The following TMTC2 variants were observed in gnomAD, a reference collection of about 807,000 sequenced individuals.
TMTC2 encodes transmembrane O-mannosyltransferase targeting cadherins 2.
TMTC2 carries 43 observed loss-of-function variants against 82.4 expected under a neutral mutation model. The ratio of observed to expected loss-of-function variants is 0.52; its 90% CI spans 0.41 to 0.67. The LOEUF (loss-of-function observed/expected upper bound fraction) is 0.67, where lower values mean the gene tolerates loss of function less well. TMTC2 is among the 30% of genes least tolerant of loss of function. TMTC2 has a pLI of 0.00. For synonymous variants in TMTC2, 408 were observed against 381.9 expected, an observed-to-expected ratio of 1.07 and a Z score of -0.80; for missense variants, 919 against 1,012.4, an observed-to-expected ratio of 0.91 and a Z score of 1.25.
At chr12:83,081,063 A>G (rs1883448778) in intron 11 of TMTC2, among the ~76,000 whole-genome samples, 1 of 152,320 alleles carries the variant, frequency 6.6e-6, no homozygotes, top group Admixed American at 6.5e-5. Context: ...TCATGACCAA[A>G]AGTCTTAGCC....
chr12:82,995,197 A>T (rs1280397080), intron 8 of TMTC2, among the ~76,000 whole-genome samples: 1 of 152,186 alleles, frequency 6.6e-6, no homozygotes, highest in East Asian at 1.9e-4. Flanking sequence ...CATCTGGTCT[A>T]AGCCTATGTT....
chr12:83,081,377 G>A (rs1883462367), intron 11 of TMTC2, among the ~76,000 whole-genome samples: 2 of 152,258 alleles, frequency 1.3e-5, no homozygotes, highest in Admixed American at 6.5e-5. Context: ...CAGCAAAACT[G>A]AAGCAAGCTA....
At chr12:83,094,895 G>A (rs1423736695) in intron 11 of TMTC2, among the ~76,000 whole-genome samples, 4 of 152,170 alleles carry the variant, frequency 2.6e-5, no homozygotes, top group East Asian at 1.9e-4. Flanking sequence ...AGCGTGTCAT[G>A]CAACTGAAGA....
chr12:83,001,747 C>T (rs1404504009), intron 8 of TMTC2, among the ~76,000 whole-genome samples: 1 of 58,552 alleles, frequency 1.7e-5, no homozygotes, highest in Admixed American at 2.2e-4. Flanking sequence ...GGCAAAATAC[C>T]ATCAGTCTCT....
chr12:82,822,841 G>A (rs1474440616), intron 1 of TMTC2, among the ~76,000 whole-genome samples: 1 of 152,178 alleles, frequency 6.6e-6, no homozygotes, highest in Non-Finnish European at 1.5e-5. Context: ...TGGGCACGCT[G>A]CAGTACGTTG....
chr12:82,690,361 G>A (rs540064380), intron 1 of TMTC2: 2 of 985,412 alleles, frequency 2.0e-6, no homozygotes, highest in South Asian at 4.7e-5. Flanking sequence ...CAGAAGTGAA[G>A]GGAGAAGCAC....
At chr12:82,968,076 T>C (rs1457052656) in intron 7 of TMTC2, among the ~76,000 whole-genome samples, 1 of 152,138 alleles carries the variant, frequency 6.6e-6, no homozygotes, top group Non-Finnish European at 1.5e-5. Context: ...AGAGATAGGC[T>C]GGAGTACTAG....
At chr12:83,027,108 A>G (rs1301725973) in intron 8 of TMTC2, among the ~76,000 whole-genome samples, 2 of 151,978 alleles carry the variant, frequency 1.3e-5, no homozygotes, top group Non-Finnish European at 2.9e-5. Context: ...TTCGTTTCTG[A>G]ACCAGTACAT....
chr12:82,750,885 T>A (rs1875961255), intron 1 of TMTC2, among the ~76,000 whole-genome samples: 1 of 152,156 alleles, frequency 6.6e-6, no homozygotes, highest in Non-Finnish European at 1.5e-5. Flanking sequence ...TTGAACAAAT[T>A]CCAGTTTTTT....
intron 11 of TMTC2, among the ~76,000 whole-genome samples, chr12:83,129,113 A>C (rs10862589): frequency 0.031 from 4,724 of 152,294 alleles, 96 homozygotes; most frequent in Middle Eastern, 0.082. Flanking sequence ...TTTTGAAATA[A>C]AAAATTTTAT....
chr12:82,857,551 A>G lies in TMTC2; in HGVS notation c.625A>G (p.Ile209Val). 6.2e-7 allele frequency: 1 copy of G among 1,611,984 alleles called. No homozygotes were observed. The highest frequency in any genetic ancestry group is 8.5e-7 in the Non-Finnish European group (1 of 1,179,092). ...TGTCTTTGTCTTTCACAGGCTGAAA[A>G]TAAAACAGATATTACCTACCATTTA... is the stretch of plus-strand genomic sequence containing the variant. Reference protein sequence around the residue: ...YDVFVFHRLKIKQILPTIYKR... With the variant: ...YDVFVFHRLKVKQILPTIYKR... The change falls in exon 2 of 12, where the codon ATA (isoleucine) becomes GTA (valine). Residue 209 changes from isoleucine to valine, a missense_variant. Coordinates refer to ENST00000321196, the MANE Select transcript of TMTC2 (RefSeq NM_152588.3).
In TMTC2 at chr12:82,896,567, C is replaced by G. The variant is rs747084691; in HGVS notation, c.1404C>G (p.Leu468=). The part of the protein sequence containing the change: ...ATATLIVFYG[L]KTAIRNGDWQ... Reference sequence around the variant, plus strand: ...CTACACTAATTGTTTTTTATGGACTCAAGACTGCGATCAGGAATGGAGACT... The same window carrying G: ...CTACACTAATTGTTTTTTATGGACTGAAGACTGCGATCAGGAATGGAGACT... The change falls in exon 3 of 12, where the codon CTC becomes CTG. Residue 468 remains leucine (L), a synonymous_variant. Transcript: ENST00000321196. 6.2e-7 allele frequency: 1 copy of G among 1,614,088 alleles called. No homozygotes were observed. The highest frequency in any genetic ancestry group is 1.1e-5 in the South Asian group (1 of 91,076).
At chr12:82,876,028 CGGTGGTGGTGGTGGTGGTGGTGGT>C (rs748180026) in intron 2 of TMTC2, among the ~76,000 whole-genome samples, 1 of 83,488 alleles carries the variant, frequency 1.2e-5, no homozygotes, top group Non-Finnish European at 2.2e-5. Context: ...GTAGTGGTGG[CGGTGGTGGTGGTGGTGGTGGTGGT>C]GGTGGTGGTG....
intron 1 of TMTC2, among the ~76,000 whole-genome samples, chr12:82,849,341 C>T (rs1211667599): frequency 6.6e-6 from 1 of 151,924 alleles, no homozygotes; most frequent in African/African-American, 2.4e-5. Flanking sequence ...AATGATCAGG[C>T]AGTTTTAATA....
At chr12:82,774,513 C>T (rs550685955) in intron 1 of TMTC2, among the ~76,000 whole-genome samples, 275 of 151,816 alleles carry the variant, frequency 1.8e-3, no homozygotes, top group African/African-American at 6.4e-3. Context: ...CCCAGCTACT[C>T]GGGAGGCTGA....
chr12:83,100,014 G>C (rs1331592325), intron 11 of TMTC2, among the ~76,000 whole-genome samples: 1 of 151,752 alleles, frequency 6.6e-6, no homozygotes, highest in African/African-American at 2.4e-5. Context: ...CCACCTCCCA[G>C]GTTCAAGTGA....
At chr12:82,821,823 T>C (rs982699791) in intron 1 of TMTC2, among the ~76,000 whole-genome samples, 3 of 150,762 alleles carry the variant, frequency 2.0e-5, no homozygotes, top group African/African-American at 7.3e-5. Context: ...GAGACCGAGG[T>C]TGCAGTGAGC....
intron 11 of TMTC2, among the ~76,000 whole-genome samples, chr12:83,111,070 CTGGTCAAAAGACATTACCATCACCACTG>C (rs1166303284): frequency 1.3e-5 from 2 of 152,194 alleles, no homozygotes; most frequent in African/African-American, 4.8e-5. Flanking sequence ...TGCTGCTATC[CTGGTCAAAAGACATTACCATCACCACTG>C]ACCTATAATA....
intron 4 of TMTC2, among the ~76,000 whole-genome samples, chr12:82,945,371 C>A (rs1459574995): frequency 1.3e-5 from 2 of 152,120 alleles, no homozygotes; most frequent in Admixed American, 1.3e-4. Flanking sequence ...CATTAAAAGG[C>A]CTTTAATTTT....
Sources: allele counts gnomAD v4.1 joint callset (sites outside exome capture counted in the v4.1 genomes callset), GRCh38; gene constraint gnomAD v4.1.1; transcripts MANE v1.5; gene names NCBI Gene and HGNC (gene_info 2026-07-23, HGNC 2026-07-21).